Variants in COL21A1 observed in about 807,000 individuals in gnomAD.
The protein encoded by COL21A1 is collagen type XXI alpha 1 chain.
A neutral mutation model predicts 137.9 loss-of-function variants in COL21A1; 149 were observed. That is an observed-to-expected ratio of 1.08 (90% CI 0.95 to 1.24). The LOEUF (loss-of-function observed/expected upper bound fraction) is 1.24. COL21A1 is among the 50% of genes most tolerant of loss of function. The pLI, the probability that COL21A1 is intolerant of heterozygous loss-of-function variation, is 0.00. For synonymous variants in COL21A1, 456 were observed against 391.5 expected (o/e 1.16, Z -1.95); for missense variants, 1,167 against 1,158.4 (o/e 1.01, Z -0.11).
intron 1 of COL21A1, among the ~76,000 whole-genome samples, chr6:56,305,330 G>T (rs1008794481): frequency 1.3e-5 from 2 of 152,080 alleles, no homozygotes; most frequent in Admixed American, 6.5e-5. Flanking sequence ...GTTGACAGTG[G>T]GGTGTTAAAG....
chr6:56,327,237 GAAAT>G (rs1401053364), intron 1 of COL21A1, among the ~76,000 whole-genome samples: 1 of 149,886 alleles, frequency 6.7e-6, no homozygotes, highest in Non-Finnish European at 1.5e-5. Context: ...TGTGTGAGTA[GAAAT>G]AAATAATTAT....
intron 1 of COL21A1, among the ~76,000 whole-genome samples, chr6:56,333,299 C>T (rs184864597): frequency 2.7e-5 from 4 of 149,742 alleles, no homozygotes; most frequent in Non-Finnish European, 5.9e-5. Flanking sequence ...TTCCCTCCCA[C>T]CCTCCCCTTC....
In COL21A1 at chr6:56,057,656, A is replaced by C. The variant is rs1248737418; in HGVS notation, c.*1T>G. ...TAGGCTGCTGAATGAGGCATCAGAC[A>C]CTAATAGTTTGGTCCTTTTCTGAAC... On this transcript the variant is annotated 3_prime_UTR_variant, in exon 30 of 30. Coordinates refer to ENST00000244728, the MANE Select transcript of COL21A1 (RefSeq NM_030820.4). The C allele has an allele frequency of 3.1e-6, 5 of 1,612,542 alleles. No individual in the cohort carries two copies. Among genetic ancestry groups the C allele is most frequent in the Non-Finnish European group, 4.2e-6 (5 of 1,179,420 alleles).
intron 1 of COL21A1, among the ~76,000 whole-genome samples, chr6:56,193,166 G>A (rs1334002053): frequency 1.3e-5 from 2 of 152,022 alleles, no homozygotes; most frequent in Non-Finnish European, 2.9e-5. Flanking sequence ...GGGCCTGTCA[G>A]GGGGTGGGGG....
chr6:56,073,445 G>C (rs571590245), intron 20 of COL21A1, among the ~76,000 whole-genome samples: 3 of 151,478 alleles, frequency 2.0e-5, no homozygotes, highest in Non-Finnish European at 3.0e-5. Flanking sequence ...GTAAAATAGA[G>C]TAGGTCATCT....
chr6:56,199,375 T>G (rs1349245485), intron 1 of COL21A1, among the ~76,000 whole-genome samples: 1 of 152,028 alleles, frequency 6.6e-6, no homozygotes, highest in East Asian at 1.9e-4. Context: ...TTTACCAGAA[T>G]GTAGGAATTT....
At chr6:56,097,860 T>C (rs1355678053) in intron 17 of COL21A1, among the ~76,000 whole-genome samples, 3 of 90,418 alleles carry the variant, frequency 3.3e-5, no homozygotes, top group African/African-American at 1.6e-4. Context: ...TATATAAATA[T>C]ATAAAAATAT....
intron 1 of COL21A1, among the ~76,000 whole-genome samples, chr6:56,340,747 A>G (rs1422823836): frequency 3.3e-5 from 5 of 152,224 alleles, no homozygotes; most frequent in African/African-American, 1.2e-4. Context: ...CACTGGAGTC[A>G]TTTGAAAATC....
At chr6:56,326,114 C>A (rs1212481609) in intron 1 of COL21A1, among the ~76,000 whole-genome samples, 1 of 137,890 alleles carries the variant, frequency 7.3e-6, no homozygotes, top group Non-Finnish European at 1.5e-5. Flanking sequence ...TAACATAAAA[C>A]AAAACTGGGA....
intron 1 of COL21A1, among the ~76,000 whole-genome samples, chr6:56,217,851 T>C (rs993278412): frequency 3.0e-4 from 46 of 152,204 alleles, no homozygotes; most frequent in African/African-American, 1.1e-3. Flanking sequence ...CAACTCCAGT[T>C]AACTCCAGTC....
chr6:56,245,428 A>C (rs1432683935), intron 1 of COL21A1, among the ~76,000 whole-genome samples: 1 of 152,214 alleles, frequency 6.6e-6, no homozygotes, highest in African/African-American at 2.4e-5. Flanking sequence ...ATGTCCATAT[A>C]GTCACCTTCT....
intron 1 of COL21A1, among the ~76,000 whole-genome samples, chr6:56,376,979 T>TC (rs2094000498): frequency 2.7e-5 from 2 of 75,432 alleles, no homozygotes; most frequent in South Asian, 8.4e-4. Context: ...TAGAAAAAAG[T>TC]CTTTTTTTTT....
chr6:56,289,962 G>A (rs1764001869), intron 1 of COL21A1, among the ~76,000 whole-genome samples: 1 of 151,994 alleles, frequency 6.6e-6, no homozygotes, highest in African/African-American at 2.4e-5. Flanking sequence ...ACTGTAGGAA[G>A]GCTGATACCT....
rs564043411 is a variant in COL21A1 at position 56,238,171 on chromosome 6, T to C, written c.-39+9216A>G. Among the ~76,000 whole-genome samples the C allele has an allele frequency of 2.0e-5, 3 of 152,186 alleles. No homozygotes were observed. In the South Asian group the frequency reaches 6.2e-4, roughly 32 times the overall value. On this transcript the variant is annotated intron_variant, in intron 1 of 29. Coordinates refer to ENST00000244728, the MANE Select transcript of COL21A1 (RefSeq NM_030820.4). ...AGCAATTGATTAGGGCTGGGAGCCT[T>C]GTGATATGACAACCAATCATGGCAT... is the stretch of plus-strand genomic sequence containing the variant.
At chr6:56,129,709 A>T (rs1389254845) in intron 12 of COL21A1, among the ~76,000 whole-genome samples, 3 of 143,550 alleles carry the variant, frequency 2.1e-5, no homozygotes, top group Admixed American at 7.1e-5. Flanking sequence ...TGAGAGAGAG[A>T]GAGAGAGAGA....
At chr6:56,290,114 T>G (rs2152335391) in intron 1 of COL21A1, among the ~76,000 whole-genome samples, 1 of 152,302 alleles carries the variant, frequency 6.6e-6, no homozygotes. Context: ...CTCTTGAATG[T>G]GGCGCCTCCC....
At chr6:56,351,069 A>G (rs1004679415) in intron 1 of COL21A1, among the ~76,000 whole-genome samples, 2 of 152,250 alleles carry the variant, frequency 1.3e-5, no homozygotes, top group South Asian at 4.1e-4. Context: ...GCCATGCATT[A>G]GAGACAGAGC....
chr6:56,065,870 G>A (rs889918127), intron 23 of COL21A1, among the ~76,000 whole-genome samples: 1 of 151,982 alleles, frequency 6.6e-6, no homozygotes, highest in African/African-American at 2.4e-5. Context: ...AAGTAAAAGT[G>A]TGGAAGAAGG....
At chr6:56,309,468 C>T (rs191994081) in intron 1 of COL21A1, among the ~76,000 whole-genome samples, 243 of 152,226 alleles carry the variant, frequency 1.6e-3, no homozygotes, top group Middle Eastern at 3.4e-3. Flanking sequence ...CAGTATAGGT[C>T]CAACATTTTT....
Sources: allele counts gnomAD v4.1 joint callset (sites outside exome capture counted in the v4.1 genomes callset), GRCh38; gene constraint gnomAD v4.1.1; transcripts MANE v1.5; gene names NCBI Gene and HGNC (gene_info 2026-07-23, HGNC 2026-07-21).